YAF2: variants seen among roughly 807,000 people sequenced by gnomAD.
The protein encoded by YAF2 is YY1 associated factor 2, also known as YY1-associated factor 2.
Under a neutral mutation model 20.1 loss-of-function variants are expected in YAF2, and 7 were observed. The ratio of observed to expected loss-of-function variants is 0.35; its 90% CI spans 0.20 to 0.65. The LOEUF is 0.65. Among genes scored for constraint, YAF2 ranks in the 30% least tolerant of loss-of-function variants. The pLI is 0.69. For synonymous variants in YAF2, 74 were observed against 76.0 expected, an observed-to-expected ratio of 0.97 and a Z score of 0.14; for missense variants, 151 against 219.2, an observed-to-expected ratio of 0.69 and a Z score of 1.96.
chr12:42,166,021 C>A (rs191486417), intron 2 of YAF2, among the ~76,000 whole-genome samples: 4 of 152,048 alleles, frequency 2.6e-5, no homozygotes, highest in African/African-American at 9.6e-5. Flanking sequence ...TAGCTTCAAG[C>A]GATTCTCCTA....
At chr12:42,220,773 A>G (rs2067488587) in intron 2 of YAF2, among the ~76,000 whole-genome samples, 1 of 152,216 alleles carries the variant, frequency 6.6e-6, no homozygotes. Flanking sequence ...AAATTGTTTA[A>G]TTCATATGTC....
intron 2 of YAF2, among the ~76,000 whole-genome samples, chr12:42,165,876 TTCTATCTATATCTA>T (rs1300459957): frequency 6.7e-6 from 1 of 148,176 alleles, no homozygotes; most frequent in Non-Finnish European, 1.5e-5. Context: ...TGGTTTTAAA[TTCTATCTATATCTA>T]TCTATCTATC....
chr12:42,197,525 G>A lies in YAF2; in HGVS notation c.153-35760C>T, dbSNP rs148896169. On this transcript the variant is annotated intron_variant, in intron 2 of 3. Coordinates refer to ENST00000534854, the MANE Select transcript of YAF2 (RefSeq NM_005748.6). The stretch of plus-strand genomic sequence containing the variant: ...AACAGCTAAACGCTGCACTAACTAC[G>A]TAGGGAAATGCCCAATAATAATATG... Among the ~76,000 whole-genome samples, 357 of 152,300 alleles carry A rather than the reference G, an allele frequency of 2.3e-3. 2 individuals are homozygous for A. Among genetic ancestry groups the A allele is most frequent in the South Asian group, 0.012 (56 of 4,830 alleles).
At chr12:42,208,949 C>G (rs912488541) in intron 2 of YAF2, among the ~76,000 whole-genome samples, 5 of 152,186 alleles carry the variant, frequency 3.3e-5, no homozygotes, top group African/African-American at 1.2e-4. Flanking sequence ...CAGGACACCA[C>G]TACGAGCTCT....
intron 2 of YAF2, among the ~76,000 whole-genome samples, chr12:42,219,916 A>G (rs1052295614): frequency 1.3e-5 from 2 of 152,154 alleles, no homozygotes; most frequent in East Asian, 3.9e-4. Context: ...CCTACATAAC[A>G]ACACATCTCC....
At chr12:42,187,773 T>C (rs947747515) in intron 2 of YAF2, among the ~76,000 whole-genome samples, 2 of 152,224 alleles carry the variant, frequency 1.3e-5, no homozygotes, top group Admixed American at 1.3e-4. Flanking sequence ...CTTGCATTCA[T>C]GCCTTTGGCC....
intron 2 of YAF2, among the ~76,000 whole-genome samples, chr12:42,221,638 A>G (rs1252587875): frequency 6.6e-6 from 1 of 152,198 alleles, no homozygotes; most frequent in Non-Finnish European, 1.5e-5. Context: ...CCAAGTCACA[A>G]TACTTCCAGC....
chr12:42,220,532 G>A (rs2067482610), intron 2 of YAF2, among the ~76,000 whole-genome samples: 1 of 152,068 alleles, frequency 6.6e-6, no homozygotes, highest in Admixed American at 6.6e-5. Flanking sequence ...TGGGCTGTGG[G>A]GGAACAAAAG....
intron 2 of YAF2, among the ~76,000 whole-genome samples, chr12:42,219,641 C>T (rs1307909117): frequency 2.0e-5 from 3 of 152,118 alleles, no homozygotes; most frequent in African/African-American, 7.2e-5. Context: ...CATGCACACA[C>T]AAAAATGTGA....
At chr12:42,216,895 T>C (rs2067372593) in intron 2 of YAF2, among the ~76,000 whole-genome samples, 1 of 152,212 alleles carries the variant, frequency 6.6e-6, no homozygotes. Context: ...GATTCATCCT[T>C]GATACCTCCC....
intron 2 of YAF2, among the ~76,000 whole-genome samples, chr12:42,197,732 A>G (rs1442626718): frequency 6.6e-6 from 1 of 152,236 alleles, no homozygotes; most frequent in Admixed American, 6.5e-5. Flanking sequence ...TAACATTTAT[A>G]TAATCAGACT....
At chr12:42,230,262 A>AAAGAAAGAAAAGAAAGAG (rs2067943026) in intron 2 of YAF2, among the ~76,000 whole-genome samples, 1 of 150,066 alleles carries the variant, frequency 6.7e-6, no homozygotes, top group African/African-American at 2.5e-5. Flanking sequence ...TCAAGAAAGA[A>AAAGAAAGAAAAGAAAGAG]AAGAAAGAGA....
At chr12:42,182,098 T>G (rs957207732) in intron 2 of YAF2, among the ~76,000 whole-genome samples, 1 of 152,130 alleles carries the variant, frequency 6.6e-6, no homozygotes, top group Non-Finnish European at 1.5e-5. Context: ...TGCTCTTCTG[T>G]GTAAACTGAT....
intron 2 of YAF2, among the ~76,000 whole-genome samples, chr12:42,169,935 A>C (rs2066004759): frequency 6.6e-6 from 1 of 151,838 alleles, no homozygotes; most frequent in African/African-American, 2.4e-5. Context: ...CAGTGGTACA[A>C]TCACAACTCA....
At chr12:42,205,404 C>G (rs2137188502) in intron 2 of YAF2, among the ~76,000 whole-genome samples, 1 of 147,540 alleles carries the variant, frequency 6.8e-6, no homozygotes, top group African/African-American at 2.5e-5. Context: ...GAGACGGAGT[C>G]TCGCTCTGTC....
chr12:42,203,545 G>GA lies in YAF2; in HGVS notation c.152+34053dup, dbSNP rs201516212. Among the ~76,000 whole-genome samples, 1,425 of 150,468 alleles carry GA rather than the reference G, an allele frequency of 9.5e-3. 19 individuals are homozygous for GA. The highest frequency in any genetic ancestry group is 0.032 in the African/African-American group (1,306 of 41,100). Reference sequence around the variant, plus strand: ...ATTTGAAAGGTAGCCTTTACTGTAAGAAAAAAAAAGCTCATTTCTGTTCAT... The same window carrying GA: ...ATTTGAAAGGTAGCCTTTACTGTAAGAAAAAAAAAAGCTCATTTCTGTTCAT... On this transcript the variant is annotated intron_variant, in intron 2 of 3. Coordinates refer to ENST00000534854, the MANE Select transcript of YAF2 (RefSeq NM_005748.6).
At position 42,160,759 on chromosome 12, in the gene YAF2, C is replaced by T; in HGVS notation, c.373G>A (p.Val125Ile). The part of the protein sequence containing the change: ...HLEVTVGDLT[V>I]IITDFKEKTK... ...TTCTCCTTAAAGTCTGTAATAATGA[C>T]TGTCAGATCTCCAACAGTAACTTCC... is the stretch of plus-strand genomic sequence containing the variant. The change falls in exon 4 of 4, where the codon GTC (valine) becomes ATC (isoleucine). Residue 125 changes from valine to isoleucine, a missense_variant. Val to Ile is a conservative substitution (Grantham distance 29, BLOSUM62 3). Around this residue, in one of 3 missense-constraint regions of YAF2, gnomAD observed 50 missense variants for 112.0 expected, o/e 0.45. Coordinates refer to ENST00000534854, the MANE Select transcript of YAF2 (RefSeq NM_005748.6). 6.2e-7 allele frequency: 1 copy of T among 1,613,650 alleles called. No homozygotes were observed. The highest frequency in any genetic ancestry group is 8.5e-7 in the Non-Finnish European group (1 of 1,179,826).
chr12:42,193,648 A>G (rs1042165919), intron 2 of YAF2, among the ~76,000 whole-genome samples: 5 of 152,110 alleles, frequency 3.3e-5, no homozygotes, highest in Non-Finnish European at 7.4e-5. Context: ...CTAGGACTAC[A>G]GATGCATGAA....
At position 42,160,716 on chromosome 12, in the gene YAF2, G is replaced by C; in HGVS notation, c.416C>G (p.Ala139Gly). ...TTGATCTGCAGAAGCAGCACTAGAT[G>C]CAGGCGGTGACTTTGTTTTCTCCTT... ...DFKEKTKSPPASSAASADQHS... is the reference protein window; with the variant it reads ...DFKEKTKSPPGSSAASADQHS... The change falls in exon 4 of 4, where the codon GCA becomes GGA. Residue 139 changes from alanine (A) to glycine (G), a missense_variant. Around this residue, in one of 3 missense-constraint regions of YAF2, gnomAD observed 51 missense variants for 48.9 expected, o/e 1.04. Transcript: ENST00000534854. 6.2e-7 allele frequency: 1 copy of C among 1,613,590 alleles called. No individual in the cohort carries two copies. The highest frequency in any genetic ancestry group is 8.5e-7 in the Non-Finnish European group (1 of 1,179,742).
Sources: allele counts gnomAD v4.1 joint callset (sites outside exome capture counted in the v4.1 genomes callset), GRCh38; gene constraint gnomAD v4.1.1; regional missense constraint gnomAD v4.1.1; transcripts MANE v1.5; gene names NCBI Gene and HGNC (gene_info 2026-07-23, HGNC 2026-07-21).